The following USP36 variants were observed in gnomAD, a reference collection of about 807,000 sequenced individuals.
The protein encoded by USP36 is ubiquitin carboxyl-terminal hydrolase 36.
A neutral mutation model predicts 111.5 loss-of-function variants in USP36; 59 were observed. That is an observed-to-expected ratio of 0.53 (90% CI 0.43 to 0.66). The LOEUF (loss-of-function observed/expected upper bound fraction) is 0.66. USP36 is among the 30% of genes least tolerant of loss of function. USP36 has a pLI of 0.00. For missense variants in USP36, 1,488 were observed against 1,468.0 expected (o/e 1.01, Z -0.22); for synonymous variants, 628 against 581.0 (o/e 1.08, Z -1.16).
chr17:78,822,782 T>TC (rs2094361127), intron 6 of USP36, among the ~76,000 whole-genome samples: 1 of 152,172 alleles, frequency 6.6e-6, no homozygotes, highest in Admixed American at 6.5e-5. Flanking sequence ...CTGCATCTGG[T>TC]CCTGACTCAC....
intron 6 of USP36, among the ~76,000 whole-genome samples, chr17:78,825,749 G>A (rs2067479663): frequency 6.6e-6 from 1 of 152,134 alleles, no homozygotes; most frequent in Non-Finnish European, 1.5e-5. Context: ...CGCTCCAGGT[G>A]GCTGCACCCT....
chr17:78,825,984 T>G (rs1187784321), intron 6 of USP36, among the ~76,000 whole-genome samples: 2 of 152,150 alleles, frequency 1.3e-5, no homozygotes, highest in African/African-American at 4.8e-5. Flanking sequence ...AATTACACCA[T>G]GAGCTCCACA....
At chr17:78,821,096 C>A in intron 7 of USP36, 35 bp from the exon 8 acceptor site, 1 of 1,569,242 alleles carries the variant, frequency 6.4e-7, no homozygotes, top group Non-Finnish European at 8.6e-7. Context: ...GCAGGTGGGG[C>A]CTGGCAGAGG....
At chr17:78,789,636 A>G (rs1376303946) in intron 3 of USP36, among the ~76,000 whole-genome samples, 3 of 152,188 alleles carry the variant, frequency 2.0e-5, no homozygotes, top group East Asian at 3.8e-4. Context: ...TAAAGCTTGC[A>G]ATTTCTTCTG....
chr17:78,799,598 T>C (rs1429512107), intron 18 of USP36, 69 bp downstream of exon 18: 1 of 1,445,170 alleles, frequency 6.9e-7, no homozygotes, highest in Non-Finnish European at 9.7e-7. Context: ...CAGGATCCAT[T>C]CCACACCCTT....
chr17:78,822,695 T>C (rs2094359238), intron 6 of USP36, among the ~76,000 whole-genome samples: 2 of 152,220 alleles, frequency 1.3e-5, no homozygotes, highest in South Asian at 2.1e-4. Flanking sequence ...CGTATCCATA[T>C]GGTAGCTACT....
rs113781422 is a variant in USP36 at position 78,838,848 on chromosome 17, A to G, written c.-173-98T>C. On this transcript the variant is annotated intron_variant, in intron 1 of 20. Coordinates refer to ENST00000449938, the MANE Select transcript of USP36 (RefSeq NM_001385174.1). ...ATGCGGCGCGCACCGGGAACCCTCT[A>G]CCACGAAAAAGCCGTCCAAGGAGCA... is the stretch of plus-strand genomic sequence containing the variant. 950 of 152,300 alleles carry G rather than the reference A, an allele frequency of 6.2e-3. 8 individuals carry two copies. Among genetic ancestry groups the G allele is most frequent in the African/African-American group, 0.021 (858 of 41,520 alleles). 9.4% of individuals were successfully genotyped at this position (152,300 alleles called of 1,614,324 possible).
chr17:78,837,047 T>A (rs1041811814), intron 2 of USP36, among the ~76,000 whole-genome samples: 1 of 152,170 alleles, frequency 6.6e-6, no homozygotes, highest in Non-Finnish European at 1.5e-5. Flanking sequence ...ATGTAAAACA[T>A]CCCAGTAATT....
chr17:78,811,161 A>G (rs908057549), intron 13 of USP36, among the ~76,000 whole-genome samples: 6 of 109,678 alleles, frequency 5.5e-5, no homozygotes, highest in Non-Finnish European at 1.3e-4. Context: ...AAAAAGAAAC[A>G]GTCATCAAGA....
At chr17:78,835,728 C>G (rs1240833265) in intron 3 of USP36, among the ~76,000 whole-genome samples, 2 of 152,190 alleles carry the variant, frequency 1.3e-5, no homozygotes, top group African/African-American at 2.4e-5. Context: ...TCAAGGGCCC[C>G]TCTATAGATG....
intron 4 of USP36, among the ~76,000 whole-genome samples, chr17:78,833,096 C>T (rs539505294): frequency 2.0e-5 from 3 of 151,892 alleles, no homozygotes; most frequent in Non-Finnish European, 2.9e-5. Context: ...TGCAGTGAGC[C>T]GAGATTGCAC....
intron 13 of USP36, among the ~76,000 whole-genome samples, chr17:78,811,172 G>T (rs919485248): frequency 3.4e-5 from 5 of 146,624 alleles, no homozygotes; most frequent in Non-Finnish European, 6.0e-5. Context: ...GTCATCAAGA[G>T]GGTCCACCCC....
chr17:78,790,302 T>G (rs1481935601), intron 3 of USP36, among the ~76,000 whole-genome samples: 1 of 151,898 alleles, frequency 6.6e-6, no homozygotes, highest in Non-Finnish European at 1.5e-5. Flanking sequence ...CTTTTTCTTT[T>G]TTTTTAAAGA....
chr17:78,810,111 G>A (rs1441294187), intron 13 of USP36, among the ~76,000 whole-genome samples: 1 of 151,848 alleles, frequency 6.6e-6, no homozygotes, highest in Admixed American at 6.6e-5. Context: ...CTCCCAAAGT[G>A]CCCGGCCCCC....
At position 78,810,256 on chromosome 17, in the gene USP36, T is replaced by C. The variant is rs192569413; in HGVS notation, c.1407+2604A>G. On this transcript the variant is annotated intron_variant, in intron 13 of 20. Coordinates refer to ENST00000449938, the MANE Select transcript of USP36 (RefSeq NM_001385174.1). ...TCCCCCAACAGCTTACTGAATATTC[T>C]CTGTGCTGATGGGATCTATGTTGCC... Among the ~76,000 whole-genome samples the C allele has an allele frequency of 5.8e-3, 880 of 152,020 alleles. 38 individuals are homozygous for C. In the East Asian group the frequency reaches 0.11, roughly 19 times the overall value.
chr17:78,818,995 T>G, intron 9 of USP36: 2 of 476,322 alleles, frequency 4.2e-6, no homozygotes, highest in South Asian at 4.5e-5. Context: ...AGTGGGAAGA[T>G]TCTAAAGCAA....
chr17:78,812,930 G>A lies in USP36; in HGVS notation c.1337C>T (p.Pro446Leu), dbSNP rs750605688. ...CTTGGAGTGATCTGGAATCACACTC[G>A]GGCGGCCGGGAAGGGAGGAGGAGCC... ...RTGSSSLPGR[P>L]SVIPDHSKKN... is the part of the protein sequence containing the mutation. The change falls in exon 13 of 21, where the codon CCG becomes CTG. Residue 446 changes from proline (P) to leucine (L), a missense_variant. Around this residue, in one of 3 missense-constraint regions of USP36, gnomAD observed 1,073 missense variants for 994.1 expected, o/e 1.08. Transcript: ENST00000449938. 92 of 1,613,828 alleles carry A rather than the reference G, an allele frequency of 5.7e-5. 1 individual carries two copies. Among genetic ancestry groups the A allele is most frequent in the Non-Finnish European group, 7.0e-5 (83 of 1,180,010 alleles).
chr17:78,790,106 T>C lies in USP36; in HGVS notation c.*21-2448A>G, dbSNP rs182847520. Among the ~76,000 whole-genome samples the C allele has an allele frequency of 5.4e-3, 829 of 152,158 alleles. 7 individuals are homozygous for C. Among genetic ancestry groups the C allele is most frequent in the African/African-American group, 0.015 (619 of 41,532 alleles). On this transcript the variant is annotated intron_variant, in intron 3 of 3. Transcript: ENST00000588130. ...CAGAATAATACCTTTTTTTTTTTTT[T>C]GAGACGAAGTCTCGCTCTGTCATCC...
rs1330969860 is a variant in USP36, at chr17:78,813,791, T to C, written c.1247A>G (p.Tyr416Cys). 4 of 1,614,088 alleles carry C rather than the reference T, an allele frequency of 2.5e-6. No individual in the cohort carries two copies. Among genetic ancestry groups the C allele is most frequent in the Admixed American group, 1.7e-5 (1 of 60,026 alleles). The change falls in exon 12 of 21, where the codon TAC becomes TGC. Residue 416 changes from tyrosine (Y) to cysteine (C), a missense_variant. By Grantham distance (194) the Tyr-to-Cys change is radical. This residue lies in a region of USP36 where 1,073 missense variants were observed against 994.1 expected (regional missense o/e 1.08). Coordinates refer to ENST00000449938, the MANE Select transcript of USP36 (RefSeq NM_001385174.1). ...TTATTACCGCAGATAGAACAGCACG[T>C]AGGCCTGCTGGTTCAGAACCACCTT... is the stretch of plus-strand genomic sequence containing the variant. ...NVKVVLNQQAYVLFYLRIPGS... is the reference protein window; with the variant it reads ...NVKVVLNQQACVLFYLRIPGS...
Sources: allele counts gnomAD v4.1 joint callset (sites outside exome capture counted in the v4.1 genomes callset), GRCh38; gene constraint gnomAD v4.1.1; regional missense constraint gnomAD v4.1.1; transcripts MANE v1.5; gene names NCBI Gene and HGNC (gene_info 2026-07-23, HGNC 2026-07-21).